The following UXS1 variants were observed in gnomAD, a reference collection of about 807,000 sequenced individuals.
UXS1 encodes the protein UDP-glucuronate decarboxylase 1.
Under a neutral mutation model 62.6 loss-of-function variants are expected in UXS1, and 33 were observed. The observed-to-expected ratio is 0.53, with a 90% CI of 0.40 to 0.70. UXS1 has a LOEUF of 0.70. UXS1 is among the 30% of genes least tolerant of loss of function. The pLI, the probability that UXS1 is intolerant of heterozygous loss-of-function variation, is 0.00. For missense variants in UXS1, 434 were observed against 556.3 expected (o/e 0.78, Z 2.21); for synonymous variants, 213 against 206.8 (o/e 1.03, Z -0.26).
At chr2:106,101,214 C>T (rs1170971813) in intron 11 of UXS1, 96 bp from the exon 12 acceptor site, 3 of 1,319,800 alleles carry the variant, frequency 2.3e-6, no homozygotes, top group East Asian at 2.4e-5. Flanking sequence ...AATTACCACC[C>T]CCAGGAGAAA....
chr2:106,137,068 A>G (rs573700042), intron 6 of UXS1, among the ~76,000 whole-genome samples: 1 of 151,690 alleles, frequency 6.6e-6, no homozygotes, highest in South Asian at 2.1e-4. Context: ...TGTAAAGAGA[A>G]CTAACAAAAC....
intron 7 of UXS1, among the ~76,000 whole-genome samples, chr2:106,126,796 T>G (rs1020579174): frequency 6.6e-6 from 1 of 152,196 alleles, no homozygotes; most frequent in Non-Finnish European, 1.5e-5. Flanking sequence ...ACATTGACAT[T>G]GATATGATCA....
intron 5 of UXS1, among the ~76,000 whole-genome samples, chr2:106,149,070 G>A (rs747636227): frequency 3.3e-5 from 5 of 152,148 alleles, no homozygotes; most frequent in Non-Finnish European, 5.9e-5. Flanking sequence ...TCTTTCTGTT[G>A]AAGCTGTCCT....
rs552597946 is a variant in UXS1, at chr2:106,143,179, T to C, written c.472+2011A>G. Among the ~76,000 whole-genome samples the C allele has an allele frequency of 8.4e-4, 127 of 151,042 alleles. 1 individual carries two copies. The highest frequency in any genetic ancestry group is 3.4e-3 in the Middle Eastern group (1 of 294). On this transcript the variant is annotated intron_variant, in intron 6 of 14. Coordinates refer to ENST00000283148, the MANE Select transcript of UXS1 (RefSeq NM_001253875.2). ...AGGTATCATTTGGGGGAGGTCAAGG[T>C]GGGCGGATCATGAGGGCAGGAGATG...
In UXS1 at chr2:106,093,783, G is replaced by A. The variant is rs1676852249; in HGVS notation, c.*243C>T. ...GCAAGATAAAAAAACTTGAAAATAC[G>A]CAGAGATGCATCTACGCTATTTTAC... On this transcript the variant is annotated 3_prime_UTR_variant, in exon 15 of 15. Coordinates refer to ENST00000283148, the MANE Select transcript of UXS1 (RefSeq NM_001253875.2). The A allele has an allele frequency of 9.7e-6, 4 of 410,752 alleles. No individual in the cohort carries two copies. Among genetic ancestry groups the A allele is most frequent in the Non-Finnish European group, 4.2e-6 (1 of 239,314 alleles). The allele number at this position is 410,752 out of a possible 1,614,324, so 25.4% of individuals were successfully genotyped here. A position where few individuals can be genotyped will look rare whatever the true frequency, so the allele number is the denominator to read the frequency against.
chr2:106,180,790 A>T (rs147300311), intron 1 of UXS1, among the ~76,000 whole-genome samples: 1,681 of 152,316 alleles, frequency 0.011, 11 homozygotes, highest in Non-Finnish European at 0.018. Flanking sequence ...ATGGACTTTG[A>T]TCCTGCAAAT....
intron 4 of UXS1, among the ~76,000 whole-genome samples, chr2:106,162,839 G>T (rs138705591): frequency 1.3e-5 from 2 of 152,194 alleles, no homozygotes; most frequent in South Asian, 2.1e-4. Context: ...ATTTCCCTTC[G>T]ATCATTTAAT....
At chr2:106,178,436 G>A (rs1366470284) in intron 1 of UXS1, among the ~76,000 whole-genome samples, 1 of 152,076 alleles carries the variant, frequency 6.6e-6, no homozygotes, top group East Asian at 1.9e-4. Context: ...CAAAAAGTAT[G>A]TGTATGTATA....
chr2:106,180,546 C>T (rs1010078180), intron 1 of UXS1, among the ~76,000 whole-genome samples: 1 of 152,208 alleles, frequency 6.6e-6, no homozygotes, highest in African/African-American at 2.4e-5. Context: ...ACACTATCTG[C>T]ACATCTCCAC....
chr2:106,116,517 T>C (rs746056363), intron 9 of UXS1, among the ~76,000 whole-genome samples: 1 of 152,232 alleles, frequency 6.6e-6, no homozygotes, highest in Non-Finnish European at 1.5e-5. Context: ...CCATGCAAGA[T>C]GATGCTGCCT....
intron 6 of UXS1, among the ~76,000 whole-genome samples, chr2:106,130,985 T>C (rs1680410347): frequency 6.6e-6 from 1 of 151,886 alleles, no homozygotes; most frequent in African/African-American, 2.4e-5. Flanking sequence ...TGCATTTCCA[T>C]CTGAGGTTCC....
rs1046467338 is a variant in UXS1 at position 106,160,378 on chromosome 2, G to A, written c.231-2260C>T. 7.2e-5 allele frequency: 11 copies of A among 152,144 alleles called. No homozygotes were observed. The East Asian group carries it at 1.9e-3, about 27-fold the overall frequency. 9.4% of individuals were successfully genotyped at this position (152,144 alleles called of 1,614,324 possible). On this transcript the variant is annotated intron_variant, in intron 4 of 14. Transcript: ENST00000283148. ...TGCTCATAAGCACCGTGGCTCCTCCGAACTGTCTGTCGTGAAAACGCTGGA... is the reference window on the plus strand; with the variant it reads ...TGCTCATAAGCACCGTGGCTCCTCCAAACTGTCTGTCGTGAAAACGCTGGA...
chr2:106,194,086 C>T, intron 1 of UXS1, 62 bp downstream of exon 1: 3 of 1,350,174 alleles, frequency 2.2e-6, no homozygotes, highest in Non-Finnish European at 9.7e-7. Flanking sequence ...CACCGCCGCC[C>T]GGCCCACCGC....
intron 9 of UXS1, among the ~76,000 whole-genome samples, chr2:106,115,386 C>G (rs759774550): frequency 2.4e-4 from 36 of 152,348 alleles, no homozygotes; most frequent in Middle Eastern, 6.8e-3. Context: ...GTGGTCAGGC[C>G]CTGCTGACAC....
chr2:106,152,210 G>T (rs1291159858), intron 5 of UXS1, among the ~76,000 whole-genome samples: 1 of 152,132 alleles, frequency 6.6e-6, no homozygotes, highest in Non-Finnish European at 1.5e-5. Context: ...AATTCACTTT[G>T]GGAGGCTGAG....
At chr2:106,122,838 G>T in intron 9 of UXS1, 132 bp downstream of exon 9, 1 of 1,198,288 alleles carries the variant, frequency 8.3e-7, no homozygotes, top group East Asian at 2.6e-5. Flanking sequence ...TTATAATACT[G>T]GGAAACTGAG....
At chr2:106,192,126 A>AC (rs1412891800) in intron 1 of UXS1, among the ~76,000 whole-genome samples, 1 of 152,212 alleles carries the variant, frequency 6.6e-6, no homozygotes, top group African/African-American at 2.4e-5. Context: ...AACGTGCTAC[A>AC]CTATGTGGTA....
chr2:106,143,184 G>A (rs1050087712), intron 6 of UXS1, among the ~76,000 whole-genome samples: 10 of 151,418 alleles, frequency 6.6e-5, no homozygotes, highest in South Asian at 2.1e-4. Context: ...CAAGGTGGGC[G>A]GATCATGAGG....
At chr2:106,131,031 G>A (rs1385871128) in intron 6 of UXS1, among the ~76,000 whole-genome samples, 1 of 151,150 alleles carries the variant, frequency 6.6e-6, no homozygotes, top group Non-Finnish European at 1.5e-5. Context: ...GACAGTGGGC[G>A]CAGGCCAGTG....
Sources: allele counts gnomAD v4.1 joint callset (sites outside exome capture counted in the v4.1 genomes callset), GRCh38; gene constraint gnomAD v4.1.1; transcripts MANE v1.5; gene names NCBI Gene and HGNC (gene_info 2026-07-23, HGNC 2026-07-21).